PBX2: variants seen among roughly 807,000 people sequenced by gnomAD.
PBX2 encodes the protein pre-B-cell leukemia transcription factor 2.
Under a neutral mutation model 46.5 loss-of-function variants are expected in PBX2, and 10 were observed. That is an observed-to-expected ratio of 0.21 (90% CI 0.13 to 0.36). PBX2 has a LOEUF of 0.36. Ranked by LOEUF, PBX2 falls within the 10% of genes least tolerant of loss-of-function variation. The probability of loss-of-function intolerance (pLI) is 1.00; values close to 1 mark genes in which losing one functional copy is unlikely to be tolerated. For synonymous variants in PBX2, 160 were observed against 222.5 expected, an observed-to-expected ratio of 0.72 and a Z score of 2.50; for missense variants, 392 against 580.5, an observed-to-expected ratio of 0.68 and a Z score of 3.34.
rs368390075 is a variant in PBX2, at chr6:32,186,920, G to A, written c.1025-19C>T. ...CCAGAGCCTTGTGGGGGCAGAGAGG[G>A]AAGAGTGTAATAGAGCCCGTGATGG... On this transcript the variant is annotated intron_variant, in intron 6 of 8. Transcript: ENST00000375050. This position sits in a 1 kb window ranked among gnomAD's most constrained non-coding sequence, Gnocchi z 4.2. The A allele has an allele frequency of 6.2e-7, 1 of 1,607,534 alleles. No homozygotes were observed. The highest frequency in any genetic ancestry group is 8.5e-7 in the Non-Finnish European group (1 of 1,175,118).
chr6:32,187,250 G>GA lies in PBX2; in HGVS notation c.1015dup (p.Ser339PhefsTer49). On this transcript the variant is annotated frameshift_variant, in exon 6 of 9. Coordinates refer to ENST00000375050, the MANE Select transcript of PBX2 (RefSeq NM_002586.5). LOFTEE classifies it high-confidence loss of function. This position sits in a 1 kb window ranked among gnomAD's most constrained non-coding sequence, Gnocchi z 7.7. ...GTGACAGTGGGATCCACCTGCAGAG[G>GA]AAGGGGGTGTCGGGGAGCTGGTGCG... 1 of 1,612,926 alleles carries GA rather than the reference G, an allele frequency of 6.2e-7. No individual in the cohort carries two copies. The highest frequency in any genetic ancestry group is 8.5e-7 in the Non-Finnish European group (1 of 1,180,030).
At position 32,186,697 on chromosome 6, in the gene PBX2, G is replaced by T; in HGVS notation, c.1114-7C>A. ...AGTGTCGGAGTGATTCCACCTGCAG[G>T]CAGCAGAGGAAGGTATGACAGTGAA... On this transcript the variant is annotated splice_region_variant and splice_polypyrimidine_tract_variant and intron_variant, in intron 7 of 8. Coordinates refer to ENST00000375050, the MANE Select transcript of PBX2 (RefSeq NM_002586.5). This position sits in a 1 kb window ranked among gnomAD's most constrained non-coding sequence, Gnocchi z 4.2. The T allele has an allele frequency of 6.2e-7, 1 of 1,610,434 alleles. No individual in the cohort carries two copies. Among genetic ancestry groups the T allele is most frequent in the South Asian group, 1.1e-5 (1 of 91,018 alleles).
chr6:32,187,852 CCA>C lies in PBX2; in HGVS notation c.735-72_735-71del. ...GGCAGGGCTGTCACATGGCATGACC[CCA>C]GAGTCACCATTGTCATGGAGTACCA... is the stretch of plus-strand genomic sequence containing the variant. On this transcript the variant is annotated intron_variant, in intron 4 of 8. Coordinates refer to ENST00000375050, the MANE Select transcript of PBX2 (RefSeq NM_002586.5). This position sits in a 1 kb window ranked among gnomAD's most constrained non-coding sequence, Gnocchi z 7.7. 6.3e-7 allele frequency: 1 copy of C among 1,579,890 alleles called. No homozygotes were observed. The highest frequency in any genetic ancestry group is 1.2e-5 in the South Asian group (1 of 85,560).
Position 32,189,877 on chromosome 6 carries a change from C to G in PBX2, c.39G>C (p.Gly13=). 1 of 1,474,172 alleles carries G rather than the reference C, an allele frequency of 6.8e-7. No individual in the cohort carries two copies. Among genetic ancestry groups the G allele is most frequent in the Non-Finnish European group, 9.0e-7 (1 of 1,109,480 alleles). 91.3% of individuals were successfully genotyped at this position (1,474,172 alleles called of 1,614,324 possible). A position where few individuals can be genotyped will look rare whatever the true frequency, so the allele number is the denominator to read the frequency against. The change falls in exon 1 of 9, where the codon GGG becomes GGC. Residue 13 remains glycine, a synonymous_variant. Coordinates refer to ENST00000375050, the MANE Select transcript of PBX2 (RefSeq NM_002586.5). This position sits in a 1 kb window ranked among gnomAD's most constrained non-coding sequence, Gnocchi z 4.7. ...TCACCAATCCCAGGCCCCCCCGGCC[C>G]CCGCCTGGAGGGGGCGGCCCCAGTA... ...ERLLGPPPPG[G]GRGGLGLVSG...
rs542588022 is a variant in PBX2, at chr6:32,187,656, G to A, written c.861C>T (p.Thr287=). 6.9e-6 allele frequency: 11 copies of A among 1,594,940 alleles called. No homozygotes were observed. The highest frequency in any genetic ancestry group is 2.7e-5 in the African/African-American group (2 of 74,690). The change falls in exon 5 of 9, where the codon ACC becomes ACT. Residue 287 remains threonine (T), a synonymous_variant. Coordinates refer to ENST00000375050, the MANE Select transcript of PBX2 (RefSeq NM_002586.5). The surrounding 1 kb of genome is among the most constrained non-coding windows in gnomAD (Gnocchi z 7.7). ...KEELAKKCGI[T]VSQVSNWFGN... The stretch of plus-strand genomic sequence containing the variant: ...GCAACCTCCATAATACCTGAGACAC[G>A]GTGATGCCACACTTCTTGGCAAGCT...
Position 32,188,869 on chromosome 6 carries a change from A to C in PBX2, c.222-73T>G. The C allele has an allele frequency of 7.7e-7, 1 of 1,291,744 alleles. No homozygotes were observed. Among genetic ancestry groups the C allele is most frequent in the Non-Finnish European group, 1.1e-6 (1 of 888,880 alleles). 80.0% of individuals were successfully genotyped at this position (1,291,744 alleles called of 1,614,324 possible). The stretch of plus-strand genomic sequence containing the variant: ...AAACAGAGCAGGGGGCCTGAGAACA[A>C]GGAGGGAGGAGGGTCAGTCTGCGGA... On this transcript the variant is annotated intron_variant, in intron 1 of 8. Transcript: ENST00000375050. The surrounding 1 kb of genome is among the most constrained non-coding windows in gnomAD (Gnocchi z 6.5).
chr6:32,184,739 G>C lies in PBX2; in HGVS notation c.*1643C>G, dbSNP rs1479712686. The stretch of plus-strand genomic sequence containing the variant: ...AAAAAAATTCTCAACTAAACCCAGG[G>C]AAAAAAGAAATTTCTTTATTTAAAA... On this transcript the variant is annotated 3_prime_UTR_variant, in exon 9 of 9. Transcript: ENST00000375050. The C allele has an allele frequency of 3.8e-5, 6 of 157,212 alleles. No homozygotes were observed. Among genetic ancestry groups the C allele is most frequent in the African/African-American group, 1.4e-4 (6 of 41,650 alleles). 9.7% of individuals were successfully genotyped at this position (157,212 alleles called of 1,614,324 possible).
At position 32,189,866 on chromosome 6, in the gene PBX2, C is replaced by A. The variant is rs1214641305; in HGVS notation, c.50G>T (p.Gly17Val). 6 of 1,458,178 alleles carry A rather than the reference C, an allele frequency of 4.1e-6. No homozygotes were observed. Among genetic ancestry groups the A allele is most frequent in the Non-Finnish European group, 5.5e-6 (6 of 1,094,398 alleles). 90.3% of individuals were successfully genotyped at this position (1,458,178 alleles called of 1,614,324 possible). A position where few individuals can be genotyped will look rare whatever the true frequency, so the allele number is the denominator to read the frequency against. ...GPPPPGGGRG[G>V]LGLVSGEPGG... is the part of the protein sequence containing the mutation. ...AGGCTCCCCACTCACCAATCCCAGG[C>A]CCCCCCGGCCCCCGCCTGGAGGGGG... The change falls in exon 1 of 9, where the codon GGC becomes GTC. Residue 17 changes from glycine (G) to valine (V), a missense_variant. Gly to Val is a moderately radical substitution (Grantham distance 109, BLOSUM62 -3). This residue lies in a region of PBX2 where 196 missense variants were observed against 246.9 expected (regional missense o/e 0.79). Transcript: ENST00000375050. The surrounding 1 kb of genome is among the most constrained non-coding windows in gnomAD (Gnocchi z 4.7).
At position 32,185,427 on chromosome 6, in the gene PBX2, C is replaced by T. The variant is rs1408051380; in HGVS notation, c.*955G>A. 1 of 151,998 alleles carries T rather than the reference C, an allele frequency of 6.6e-6. No individual in the cohort carries two copies. The highest frequency in any genetic ancestry group is 2.4e-5 in the African/African-American group (1 of 41,358). The allele number at this position is 151,998 out of a possible 1,614,324, so 9.4% of individuals were successfully genotyped here. A position where few individuals can be genotyped will look rare whatever the true frequency, so the allele number is the denominator to read the frequency against. On this transcript the variant is annotated 3_prime_UTR_variant, in exon 9 of 9. Transcript: ENST00000375050. The stretch of plus-strand genomic sequence containing the variant: ...CCTGTAAAATTTACTTCCTGATGGA[C>T]AGGCCTGGAGCCAGGGGGGCCTCTT...
Position 32,187,225 on chromosome 6 carries a change from G to T in PBX2, c.1024+17C>A, listed in dbSNP as rs1372474591. Reference sequence around the variant, plus strand: ...GAAGTGTGCAAAACAGTCAGCCGGGGTGACAGTGGGATCCACCTGCAGAGG... The same window carrying T: ...GAAGTGTGCAAAACAGTCAGCCGGGTTGACAGTGGGATCCACCTGCAGAGG... On this transcript the variant is annotated intron_variant, in intron 6 of 8. Coordinates refer to ENST00000375050, the MANE Select transcript of PBX2 (RefSeq NM_002586.5). This position sits in a 1 kb window ranked among gnomAD's most constrained non-coding sequence, Gnocchi z 7.7. 1 of 1,612,270 alleles carries T rather than the reference G, an allele frequency of 6.2e-7. No homozygotes were observed. Among genetic ancestry groups the T allele is most frequent in the East Asian group, 2.2e-5 (1 of 44,898 alleles).
chr6:32,188,351 A>T lies in PBX2; in HGVS notation c.449T>A (p.Val150Glu). The T allele has an allele frequency of 6.2e-7, 1 of 1,614,156 alleles. No individual in the cohort carries two copies. Among genetic ancestry groups the T allele is most frequent in the Non-Finnish European group, 8.5e-7 (1 of 1,180,046 alleles). Residue 150 changes from valine (V) to glutamate (E), a missense_variant, in exon 3 of 9, where the codon GTG (valine) becomes GAG (glutamate). Around this residue, in one of 3 missense-constraint regions of PBX2, gnomAD observed 196 missense variants for 246.9 expected, o/e 0.79. Transcript: ENST00000375050. This position sits in a 1 kb window ranked among gnomAD's most constrained non-coding sequence, Gnocchi z 6.5. Reference sequence around the variant, plus strand: ...GTGTTCGATGGAGTTGTCAGGGGACACACCACCACCAGAGGCTGCAGCGGC... The same window carrying T: ...GTGTTCGATGGAGTTGTCAGGGGACTCACCACCACCAGAGGCTGCAGCGGC... Reference protein sequence around the residue: ...AAAAAASGGGVSPDNSIEHSD... With the variant: ...AAAAAASGGGESPDNSIEHSD...
At position 32,187,098 on chromosome 6, in the gene PBX2, G is replaced by A; in HGVS notation, c.1024+144C>T. On this transcript the variant is annotated intron_variant, in intron 6 of 8. Transcript: ENST00000375050. The surrounding 1 kb of genome is among the most constrained non-coding windows in gnomAD (Gnocchi z 7.7). ...AACTAAGATCACTGGAATGGCCTCT[G>A]TCCCCTGACATCTCCAGCCTATCTC... The A allele has an allele frequency of 8.8e-7, 1 of 1,140,972 alleles. No homozygotes were observed. The highest frequency in any genetic ancestry group is 1.3e-6 in the Non-Finnish European group (1 of 796,148). The allele number at this position is 1,140,972 out of a possible 1,614,324, so 70.7% of individuals were successfully genotyped here. A position where few individuals can be genotyped will look rare whatever the true frequency, so the allele number is the denominator to read the frequency against.
chr6:32,188,776 T>C lies in PBX2; in HGVS notation c.242A>G (p.His81Arg). The C allele has an allele frequency of 6.2e-7, 1 of 1,612,886 alleles. No individual in the cohort carries two copies. The highest frequency in any genetic ancestry group is 8.5e-7 in the Non-Finnish European group (1 of 1,179,996). The part of the protein sequence containing the change: ...AQAKKHALNC[H>R]RMKPALFSVL... Reference sequence around the variant, plus strand: ...GCTAAAGAGAGCAGGCTTCATTCGGTGGCAGTTTAGGGCGTGTTTCCTTGG... The same window carrying C: ...GCTAAAGAGAGCAGGCTTCATTCGGCGGCAGTTTAGGGCGTGTTTCCTTGG... Residue 81 changes from histidine (H) to arginine (R), a missense_variant, in exon 2 of 9, where the codon CAC becomes CGC. His to Arg is a conservative substitution (Grantham distance 29). Coordinates refer to ENST00000375050, the MANE Select transcript of PBX2 (RefSeq NM_002586.5). This position sits in a 1 kb window ranked among gnomAD's most constrained non-coding sequence, Gnocchi z 6.5.
Position 32,187,563 on chromosome 6 carries a change from G to C in PBX2, c.870+84C>G. The C allele has an allele frequency of 6.5e-7, 1 of 1,528,632 alleles. No individual in the cohort carries two copies. The highest frequency in any genetic ancestry group is 8.8e-7 in the Non-Finnish European group (1 of 1,130,774). 94.7% of individuals were successfully genotyped at this position (1,528,632 alleles called of 1,614,324 possible). A position where few individuals can be genotyped will look rare whatever the true frequency, so the allele number is the denominator to read the frequency against. On this transcript the variant is annotated intron_variant, in intron 5 of 8. Coordinates refer to ENST00000375050, the MANE Select transcript of PBX2 (RefSeq NM_002586.5). The surrounding 1 kb of genome is among the most constrained non-coding windows in gnomAD (Gnocchi z 7.7). ...TCCTCCCACTTCAGCCTCCCTAGTA[G>C]CTGGGATTACAGGAACACACCACTG...
Position 32,187,438 on chromosome 6 carries a change from G to A in PBX2, c.871-43C>T. 6.2e-7 allele frequency: 1 copy of A among 1,602,632 alleles called. No individual in the cohort carries two copies. The highest frequency in any genetic ancestry group is 8.5e-7 in the Non-Finnish European group (1 of 1,172,056). On this transcript the variant is annotated intron_variant, in intron 5 of 8. Coordinates refer to ENST00000375050, the MANE Select transcript of PBX2 (RefSeq NM_002586.5). The surrounding 1 kb of genome is among the most constrained non-coding windows in gnomAD (Gnocchi z 7.7). ...GGGTCAGGTAGAAACATTTGCCTCTGAAGTCCTTCACTGAATAAGATGTGA... is the reference window on the plus strand; with the variant it reads ...GGGTCAGGTAGAAACATTTGCCTCTAAAGTCCTTCACTGAATAAGATGTGA...
In PBX2 at chr6:32,187,787, AGAG is replaced by A. The variant is rs1278208810; in HGVS notation, c.735-8_735-6del. 2 of 1,612,352 alleles carry A rather than the reference AGAG, an allele frequency of 1.2e-6. No homozygotes were observed. Among genetic ancestry groups the A allele is most frequent in the East Asian group, 2.2e-5 (1 of 44,880 alleles). On this transcript the variant is annotated splice_region_variant and splice_polypyrimidine_tract_variant and intron_variant, in intron 4 of 8. Transcript: ENST00000375050. The surrounding 1 kb of genome is among the most constrained non-coding windows in gnomAD (Gnocchi z 7.7). The stretch of plus-strand genomic sequence containing the variant: ...CTGAAGTTACGGCGCTTTCGTCTAC[AGAG>A]GAGGGAGAAGAGCAGTGAGGAGGAT...
rs774240386 is a variant in PBX2, at chr6:32,189,867, C to T, written c.49G>A (p.Gly17Ser). The change falls in exon 1 of 9, where the codon GGC becomes AGC. Residue 17 changes from glycine to serine, a missense_variant. By Grantham distance (56) the Gly-to-Ser change is moderately conservative. Transcript: ENST00000375050. The surrounding 1 kb of genome is among the most constrained non-coding windows in gnomAD (Gnocchi z 4.7). ...GGCTCCCCACTCACCAATCCCAGGCCCCCCCGGCCCCCGCCTGGAGGGGGC... is the reference window on the plus strand; with the variant it reads ...GGCTCCCCACTCACCAATCCCAGGCTCCCCCGGCCCCCGCCTGGAGGGGGC... ...GPPPPGGGRG[G>S]LGLVSGEPGG... 29 of 1,489,076 alleles carry T rather than the reference C, an allele frequency of 1.9e-5. No individual in the cohort carries two copies. The highest frequency in any genetic ancestry group is 1.0e-4 in the African/African-American group (7 of 68,842). The allele number at this position is 1,489,076 out of a possible 1,614,324, so 92.2% of individuals were successfully genotyped here. A position where few individuals can be genotyped will look rare whatever the true frequency, so the allele number is the denominator to read the frequency against.
In PBX2 at chr6:32,188,859, C is replaced by T; in HGVS notation, c.222-63G>A. ...GGAGCTAGAGAAACAGAGCAGGGGG[C>T]CTGAGAACAAGGAGGGAGGAGGGTC... On this transcript the variant is annotated intron_variant, in intron 1 of 8. Transcript: ENST00000375050. The surrounding 1 kb of genome is among the most constrained non-coding windows in gnomAD (Gnocchi z 6.5). 3 of 1,452,768 alleles carry T rather than the reference C, an allele frequency of 2.1e-6. No homozygotes were observed. The highest frequency in any genetic ancestry group is 1.1e-5 in the South Asian group (1 of 87,564). The allele number at this position is 1,452,768 out of a possible 1,614,324, so 90.0% of individuals were successfully genotyped here.
Position 32,186,978 on chromosome 6 carries a change from G to T in PBX2, c.1025-77C>A. ...TGAACCACAACTCTCAACTCTTGTGGGGACATGCTACTATACTCCAATTAT... is the reference window on the plus strand; with the variant it reads ...TGAACCACAACTCTCAACTCTTGTGTGGACATGCTACTATACTCCAATTAT... On this transcript the variant is annotated intron_variant, in intron 6 of 8. Transcript: ENST00000375050. This position sits in a 1 kb window ranked among gnomAD's most constrained non-coding sequence, Gnocchi z 4.2. 7.7e-7 allele frequency: 1 copy of T among 1,300,940 alleles called. No individual in the cohort carries two copies. The highest frequency in any genetic ancestry group is 2.3e-5 in the East Asian group (1 of 43,190). 80.6% of individuals were successfully genotyped at this position (1,300,940 alleles called of 1,614,324 possible).
Sources: gnomAD v4.1 joint callset for allele counts on GRCh38, gnomAD v4.1.1 for gene constraint, gnomAD v4.1.1 regional missense constraint, Gnocchi (gnomAD v3.1) non-coding constraint, MANE v1.5 for transcripts, NCBI Gene and HGNC (gene_info 2026-07-23, HGNC 2026-07-21) for gene names.